The following NLGN1 variants were observed in gnomAD, a reference collection of about 807,000 sequenced individuals.
The protein encoded by NLGN1 is neuroligin 1, also known as neuroligin-1.
Under a neutral mutation model 65.5 loss-of-function variants are expected in NLGN1, and 12 were observed. That is an observed-to-expected ratio of 0.18 (90% CI 0.12 to 0.30). The LOEUF is 0.30. NLGN1 is among the 10% of genes least tolerant of loss of function. NLGN1 has a pLI of 1.00. For synonymous variants in NLGN1, 350 were observed against 359.5 expected (o/e 0.97, Z 0.30); for missense variants, 750 against 1,007.1 (o/e 0.74, Z 3.46).
intron 3 of NLGN1, among the ~76,000 whole-genome samples, chr3:173,712,072 T>C (rs961565427): frequency 1.3e-5 from 2 of 152,148 alleles, no homozygotes; most frequent in Non-Finnish European, 2.9e-5. Flanking sequence ...AAAAGCAAAC[T>C]AAATACAGAT....
intron 4 of NLGN1, among the ~76,000 whole-genome samples, chr3:174,103,289 G>A (rs981774415): frequency 6.6e-6 from 1 of 152,076 alleles, no homozygotes; most frequent in Non-Finnish European, 1.5e-5. Context: ...TTTTGGACTG[G>A]AAAGAGGAAA....
intron 2 of NLGN1, among the ~76,000 whole-genome samples, chr3:173,532,944 A>G (rs1039076797): frequency 1.3e-5 from 2 of 152,336 alleles, no homozygotes; most frequent in African/African-American, 4.8e-5. Flanking sequence ...ATAGAGGGAA[A>G]GAGAACTCTA....
rs940535838 is a variant in NLGN1 at position 174,228,537 on chromosome 3, A to G, written c.647-46778A>G. Among the ~76,000 whole-genome samples, 6 of 152,248 alleles carry G rather than the reference A, an allele frequency of 3.9e-5. No individual in the cohort carries two copies. In the East Asian group the frequency reaches 1.2e-3, roughly 29 times the overall value. ...GCATACAAGTGTAGAGGGTCATAAA[A>G]TATCTTTTAGAAAATAGGTTAGATA... On this transcript the variant is annotated intron_variant, in intron 4 of 6. Coordinates refer to ENST00000457714, the Ensembl canonical transcript of NLGN1.
At chr3:173,496,809 T>G (rs1730098379) in intron 2 of NLGN1, among the ~76,000 whole-genome samples, 1 of 151,942 alleles carries the variant, frequency 6.6e-6, no homozygotes, top group Non-Finnish European at 1.5e-5. Context: ...GACTTCGTAT[T>G]GTAAATAGAG....
At chr3:174,182,839 A>C (rs1290531054) in intron 4 of NLGN1, among the ~76,000 whole-genome samples, 1 of 152,050 alleles carries the variant, frequency 6.6e-6, no homozygotes, top group Admixed American at 6.6e-5. Context: ...TTTCTGACAC[A>C]ATCTCACCTT....
intron 4 of NLGN1, among the ~76,000 whole-genome samples, chr3:174,183,062 C>T (rs372728557): frequency 1.2e-4 from 18 of 152,090 alleles, no homozygotes; most frequent in African/African-American, 3.6e-4. Flanking sequence ...ACTCAATTTC[C>T]ACCACTTCTA....
intron 2 of NLGN1, among the ~76,000 whole-genome samples, chr3:173,477,223 C>T (rs74408384): frequency 0.037 from 5,679 of 152,052 alleles, 149 homozygotes; most frequent in Admixed American, 0.076. Context: ...GAAGGTGAAG[C>T]CATGAAAAGT....
At chr3:174,192,810 C>A (rs892439689) in intron 4 of NLGN1, among the ~76,000 whole-genome samples, 2 of 152,030 alleles carry the variant, frequency 1.3e-5, no homozygotes, top group Admixed American at 6.6e-5. Context: ...ATTTTTTCCC[C>A]AATTTCCCTC....
At chr3:173,881,572 C>T (rs1337777729) in intron 4 of NLGN1, among the ~76,000 whole-genome samples, 1 of 151,518 alleles carries the variant, frequency 6.6e-6, no homozygotes, top group African/African-American at 2.4e-5. Flanking sequence ...CTACAGGCAC[C>T]CGCCACCACG....
rs1337854812 is a variant in NLGN1 at position 173,686,704 on chromosome 3, C to G, written c.493+81613C>G. 2.0e-5 allele frequency among the ~76,000 whole-genome samples: 3 copies of G among 152,084 alleles called. No homozygotes were observed. The East Asian group carries it at 5.8e-4, about 29-fold the overall frequency. ...GTGCAGTGGCTCACACCTATAATCC[C>G]AGCACTTTGGGAGGCCGAGGCAGGC... On this transcript the variant is annotated intron_variant, in intron 3 of 6. Transcript: ENST00000457714.
At chr3:173,538,505 C>A (rs531124443) in intron 2 of NLGN1, among the ~76,000 whole-genome samples, 1 of 152,282 alleles carries the variant, frequency 6.6e-6, no homozygotes, top group Admixed American at 6.5e-5. Context: ...GAAGGCAAAT[C>A]TAAATCCAGG....
At chr3:174,265,880 ATATATACG>A (rs1748059065) in intron 4 of NLGN1, among the ~76,000 whole-genome samples, 1 of 144,400 alleles carries the variant, frequency 6.9e-6, no homozygotes, top group African/African-American at 2.5e-5. Context: ...GTTATAATAT[ATATATACG>A]TATATATGTA....
chr3:174,247,951 GT>G (rs1216902255), intron 4 of NLGN1, among the ~76,000 whole-genome samples: 1 of 152,204 alleles, frequency 6.6e-6, no homozygotes, highest in African/African-American at 2.4e-5. Context: ...CATAGGACAT[GT>G]TTTTAGCCTG....
At chr3:174,157,799 T>C (rs1725731296) in intron 4 of NLGN1, among the ~76,000 whole-genome samples, 1 of 151,734 alleles carries the variant, frequency 6.6e-6, no homozygotes, top group South Asian at 2.1e-4. Flanking sequence ...TGAAAACAGA[T>C]TGGGGCAGAG....
At chr3:173,572,344 A>G (rs1744791111) in intron 2 of NLGN1, among the ~76,000 whole-genome samples, 1 of 152,246 alleles carries the variant, frequency 6.6e-6, no homozygotes, top group Non-Finnish European at 1.5e-5. Context: ...AAAATTAAGC[A>G]GATAAATGAT....
rs866460613 is a variant in NLGN1, at chr3:174,076,718, A to T, written c.647-198597A>T. ...GAGAGAGAGAGAGAGAGAGAGAGAG[A>T]GAGAGAGTGTGTGTGTGTGTGTGTG... On this transcript the variant is annotated intron_variant, in intron 4 of 6. Transcript: ENST00000457714. Among the ~76,000 whole-genome samples, 757 of 121,136 alleles carry T rather than the reference A, an allele frequency of 6.2e-3. 3 individuals are homozygous for T. Among genetic ancestry groups the T allele is most frequent in the African/African-American group, 0.014 (385 of 26,588 alleles). 79.5% of individuals were successfully genotyped at this position (121,136 alleles called of 152,430 possible).
intron 4 of NLGN1, among the ~76,000 whole-genome samples, chr3:174,106,591 C>T (rs1433488485): frequency 6.6e-6 from 1 of 151,938 alleles, no homozygotes; most frequent in Non-Finnish European, 1.5e-5. Flanking sequence ...TAAGAAAAGG[C>T]AAAGAGAGAT....
intron 2 of NLGN1, among the ~76,000 whole-genome samples, chr3:173,485,209 C>T (rs9854572): frequency 0.012 from 1,852 of 151,728 alleles, 35 homozygotes; most frequent in African/African-American, 0.043. Flanking sequence ...GGGAAAGACC[C>T]GCCCCCATGA....
At chr3:173,952,795 A>ATTT (rs1748482159) in intron 4 of NLGN1, among the ~76,000 whole-genome samples, 1 of 118,436 alleles carries the variant, frequency 8.4e-6, no homozygotes, top group African/African-American at 3.3e-5. Context: ...TTTTTTTTTG[A>ATTT]GACAGAGTTT....
Sources: gnomAD v4.1 joint callset for allele counts (sites outside exome capture counted in the v4.1 genomes callset) on GRCh38, gnomAD v4.1.1 for gene constraint, MANE v1.5 for transcripts, NCBI Gene and HGNC (gene_info 2026-07-23, HGNC 2026-07-21) for gene names.